GALNT17: variants seen among roughly 807,000 people sequenced by gnomAD.
GALNT17 encodes the protein polypeptide N-acetylgalactosaminyltransferase 17.
In GALNT17, 29 loss-of-function variants were observed where a neutral mutation model predicts 63.7. The observed-to-expected ratio is 0.46, with a 90% CI of 0.34 to 0.62. The LOEUF (loss-of-function observed/expected upper bound fraction) is 0.62. Among genes scored for constraint, GALNT17 ranks in the 20% least tolerant of loss-of-function variants. The pLI, the probability that GALNT17 is intolerant of heterozygous loss-of-function variation, is 0.01. For missense variants in GALNT17, 603 were observed against 799.6 expected, an observed-to-expected ratio of 0.75 and a Z score of 2.97; for synonymous variants, 305 against 318.3, an observed-to-expected ratio of 0.96 and a Z score of 0.45.
At chr7:71,642,492 C>G (rs1474192218) in intron 6 of GALNT17, among the ~76,000 whole-genome samples, 1 of 152,190 alleles carries the variant, frequency 6.6e-6, no homozygotes, top group Non-Finnish European at 1.5e-5. Context: ...AACTCCTTCA[C>G]ATCCTTAGAG....
At chr7:71,548,680 C>CTGT (rs1400274391) in intron 5 of GALNT17, among the ~76,000 whole-genome samples, 1 of 152,224 alleles carries the variant, frequency 6.6e-6, no homozygotes, top group African/African-American at 2.4e-5. Context: ...CCATGTGGAA[C>CTGT]TGTGAGTCCA....
intron 1 of GALNT17, among the ~76,000 whole-genome samples, chr7:71,207,212 A>G (rs1197939563): frequency 6.6e-6 from 1 of 152,058 alleles, no homozygotes; most frequent in Non-Finnish European, 1.5e-5. Flanking sequence ...CCATTGATCA[A>G]TTGTGTTGTG....
intron 6 of GALNT17, among the ~76,000 whole-genome samples, chr7:71,623,987 C>T (rs28379843): frequency 2.6e-5 from 4 of 152,092 alleles, no homozygotes; most frequent in African/African-American, 9.7e-5. Context: ...CTCAGAATAT[C>T]CCCCAGGAAG....
intron 2 of GALNT17, among the ~76,000 whole-genome samples, chr7:71,374,192 T>C (rs1792678512): frequency 6.6e-6 from 1 of 152,228 alleles, no homozygotes; most frequent in Non-Finnish European, 1.5e-5. Context: ...TTCCTTCTTT[T>C]CAGAAGCAGG....
Position 71,494,594 on chromosome 7 carries a change from A to C in GALNT17, c.962+73489A>C, listed in dbSNP as rs574982409. On this transcript the variant is annotated intron_variant, in intron 5 of 10. Coordinates refer to ENST00000333538, the MANE Select transcript of GALNT17 (RefSeq NM_022479.3). ...GTCTGGTCTTGAATTCCTGGGCTCAAGTAACTCTCCTGCCTTGGCCTCCCA... is the reference window on the plus strand; with the variant it reads ...GTCTGGTCTTGAATTCCTGGGCTCACGTAACTCTCCTGCCTTGGCCTCCCA... 9.9e-5 allele frequency among the ~76,000 whole-genome samples: 15 copies of C among 152,192 alleles called. No individual in the cohort carries two copies. The South Asian group carries it at 2.9e-3, about 29-fold the overall frequency.
chr7:71,494,900 GACTT>G (rs1788069917), intron 5 of GALNT17, among the ~76,000 whole-genome samples: 2 of 152,146 alleles, frequency 1.3e-5, no homozygotes, highest in Admixed American at 1.3e-4. Context: ...GATCGCGTGA[GACTT>G]ACTCACTACC....
intron 9 of GALNT17, among the ~76,000 whole-genome samples, chr7:71,708,537 T>C (rs1403736354): frequency 6.6e-6 from 1 of 152,234 alleles, no homozygotes; most frequent in Non-Finnish European, 1.5e-5. Flanking sequence ...AACCATATCA[T>C]GGAGTTCTAC....
At chr7:71,359,844 G>A (rs986405085) in intron 2 of GALNT17, among the ~76,000 whole-genome samples, 2 of 151,980 alleles carry the variant, frequency 1.3e-5, no homozygotes, top group African/African-American at 2.4e-5. Flanking sequence ...TGAAATGAAC[G>A]AATAAATAAA....
intron 1 of GALNT17, among the ~76,000 whole-genome samples, chr7:71,327,481 C>T (rs187798629): frequency 1.3e-3 from 200 of 152,204 alleles, no homozygotes; most frequent in South Asian, 2.3e-3. Flanking sequence ...CACTGGGTCC[C>T]TCCCACAACA....
At chr7:71,463,690 C>T (rs1417390208) in intron 5 of GALNT17, among the ~76,000 whole-genome samples, 1 of 152,196 alleles carries the variant, frequency 6.6e-6, no homozygotes. Context: ...ATTCCCAGAA[C>T]TGAGGGTTCC....
intron 5 of GALNT17, among the ~76,000 whole-genome samples, chr7:71,430,770 GAGA>G (rs1786847329): frequency 6.6e-6 from 1 of 152,166 alleles, no homozygotes; most frequent in Non-Finnish European, 1.5e-5. Context: ...TGTACAAAGG[GAGA>G]AGGTTATTTT....
At chr7:71,550,970 T>A (rs74957334) in intron 5 of GALNT17, among the ~76,000 whole-genome samples, 2,674 of 152,192 alleles carry the variant, frequency 0.018, 84 homozygotes, top group African/African-American at 0.061. Context: ...CTGCTTGAGA[T>A]TTGTTGAGCT....
In GALNT17 at chr7:71,702,227, A is replaced by G. The variant is rs148258590; in HGVS notation, c.1501-8534A>G. ...GTTCAGTAGAAGCCCAAACCTCAGC[A>G]TTATGCAATATATCCATGTAACAAA... is the stretch of plus-strand genomic sequence containing the variant. On this transcript the variant is annotated intron_variant, in intron 9 of 10. Coordinates refer to ENST00000333538, the MANE Select transcript of GALNT17 (RefSeq NM_022479.3). Among the ~76,000 whole-genome samples, 82 of 152,138 alleles carry G rather than the reference A, an allele frequency of 5.4e-4. 1 individual carries two copies. The East Asian group carries it at 0.016, about 29-fold the overall frequency.
chr7:71,469,455 G>C (rs780983357), intron 5 of GALNT17, among the ~76,000 whole-genome samples: 5 of 152,204 alleles, frequency 3.3e-5, no homozygotes, highest in Admixed American at 2.6e-4. Flanking sequence ...CCCTGAACCA[G>C]AATAGGTTCA....
chr7:71,681,325 T>G (rs1325732586), intron 9 of GALNT17, among the ~76,000 whole-genome samples: 1 of 152,186 alleles, frequency 6.6e-6, no homozygotes, highest in East Asian at 1.9e-4. Context: ...AGAGGTGATA[T>G]GTTTAGACTG....
intron 1 of GALNT17, among the ~76,000 whole-genome samples, chr7:71,297,413 G>A (rs894369675): frequency 6.6e-6 from 1 of 152,248 alleles, no homozygotes; most frequent in Non-Finnish European, 1.5e-5. Flanking sequence ...TTGTGATGGT[G>A]CCTGCCTGTA....
chr7:71,430,439 G>A (rs976929090), intron 5 of GALNT17, among the ~76,000 whole-genome samples: 1 of 152,110 alleles, frequency 6.6e-6, no homozygotes, highest in Non-Finnish European at 1.5e-5. Flanking sequence ...ACCATGAGAG[G>A]GAAGGTTCCA....
At chr7:71,563,399 T>C (rs961736743) in intron 5 of GALNT17, among the ~76,000 whole-genome samples, 7 of 152,144 alleles carry the variant, frequency 4.6e-5, no homozygotes, top group Middle Eastern at 3.4e-3. Flanking sequence ...GGCCTGCCAC[T>C]CACGAGGCAG....
At chr7:71,440,971 A>G (rs1787055799) in intron 5 of GALNT17, among the ~76,000 whole-genome samples, 1 of 151,526 alleles carries the variant, frequency 6.6e-6, no homozygotes, top group Non-Finnish European at 1.5e-5. Context: ...TGACTATTTC[A>G]TGTCTTGTGC....
Sources: gnomAD v4.1 joint callset for allele counts (sites outside exome capture counted in the v4.1 genomes callset) on GRCh38, gnomAD v4.1.1 for gene constraint, MANE v1.5 for transcripts, NCBI Gene and HGNC (gene_info 2026-07-23, HGNC 2026-07-21) for gene names.